The following FERMT2 variants were observed in gnomAD, a reference collection of about 807,000 sequenced individuals.
The protein encoded by FERMT2 is fermitin family homolog 2.
A neutral mutation model predicts 82.7 loss-of-function variants in FERMT2; 15 were observed. That is an observed-to-expected ratio of 0.18 (90% CI 0.12 to 0.28). The LOEUF (loss-of-function observed/expected upper bound fraction) is 0.28, where lower values mean the gene tolerates loss of function less well. Ranked by LOEUF, FERMT2 falls within the 10% of genes least tolerant of loss-of-function variation. The pLI is 1.00. For missense variants in FERMT2, 645 were observed against 809.4 expected (o/e 0.80, Z 2.46); for synonymous variants, 274 against 271.5 (o/e 1.01, Z -0.09).
In FERMT2 at chr14:52,874,191, G is replaced by T; in HGVS notation, c.1134C>A (p.Tyr378Ter). 6.3e-7 allele frequency: 1 copy of T among 1,596,822 alleles called. No individual in the cohort carries two copies. The highest frequency in any genetic ancestry group is 1.1e-5 in the South Asian group (1 of 87,800). Reference sequence around the variant, plus strand: ...TTTGTACTTACTTGAAAACTTTAATGTAGTCAGCAAGTTCAGGAATGGAAG... The same window carrying T: ...TTTGTACTTACTTGAAAACTTTAATTTAGTCAGCAAGTTCAGGAATGGAAG... The part of the protein sequence containing the change: ...DITSIPELAD[Y>*]IKVFKPKKLT... Residue 378 changes from tyrosine to a stop codon, truncating the protein, a stop_gained, in exon 9 of 15, where the codon TAC (tyrosine) becomes TAA (stop). Transcript: ENST00000341590. LOFTEE classifies it high-confidence loss of function.
chr14:52,880,490 C>T (rs967883628), intron 6 of FERMT2, among the ~76,000 whole-genome samples: 3 of 152,158 alleles, frequency 2.0e-5, no homozygotes, highest in African/African-American at 7.2e-5. Flanking sequence ...GCTCCGTCTT[C>T]CAGGTTCAAG....
At chr14:52,890,707 G>A (rs1223459136) in intron 4 of FERMT2, among the ~76,000 whole-genome samples, 2 of 150,680 alleles carry the variant, frequency 1.3e-5, no homozygotes, top group Admixed American at 1.3e-4. Flanking sequence ...AGGTTCAAGC[G>A]ATTCTCCTGC....
chr14:52,897,206 T>C (rs1412346888), intron 3 of FERMT2, among the ~76,000 whole-genome samples: 1 of 152,190 alleles, frequency 6.6e-6, no homozygotes, highest in Non-Finnish European at 1.5e-5. Context: ...AACTGCATAA[T>C]ATTCTATGTA....
At chr14:52,872,100 G>C (rs936233901) in intron 10 of FERMT2, 2 of 152,444 alleles carry the variant, frequency 1.3e-5, no homozygotes, top group Non-Finnish European at 2.9e-5. Context: ...GGGTGAGGAA[G>C]AGCAGGATGT....
intron 10 of FERMT2, among the ~76,000 whole-genome samples, 179 bp from the exon 11 acceptor site, chr14:52,865,032 C>A (rs1345810356): frequency 6.6e-6 from 1 of 152,160 alleles, no homozygotes. Context: ...ATGAAAACAA[C>A]TGTATTCAGG....
In FERMT2 at chr14:52,859,718, T is replaced by G. The variant is rs373085863; in HGVS notation, c.1728-4A>C. 2.2e-5 allele frequency: 35 copies of G among 1,559,674 alleles called. No homozygotes were observed. In the African/African-American group the frequency reaches 4.1e-4, roughly 18 times the overall value. ...TTCTTTTTTGCCCCCTTGGAACCTATAACATTTAAGAAAAGAACGGTTAAA... is the reference window on the plus strand; with the variant it reads ...TTCTTTTTTGCCCCCTTGGAACCTAGAACATTTAAGAAAAGAACGGTTAAA... On this transcript the variant is annotated splice_region_variant and splice_polypyrimidine_tract_variant and intron_variant, in intron 13 of 14. Coordinates refer to ENST00000341590, the MANE Select transcript of FERMT2 (RefSeq NM_006832.3).
chr14:52,881,651 A>G, intron 4 of FERMT2, 182 bp from the exon 5 acceptor site: 1 of 850,642 alleles, frequency 1.2e-6, no homozygotes, highest in Non-Finnish European at 1.8e-6. Flanking sequence ...GTATAACATT[A>G]AAACACGTAA....
At position 52,935,844 on chromosome 14, in the gene FERMT2, G is replaced by A. The variant is rs1595017593; in HGVS notation, c.157+14568C>T. 2.0e-5 allele frequency among the ~76,000 whole-genome samples: 3 copies of A among 152,292 alleles called. No homozygotes were observed. The East Asian group carries it at 5.8e-4, about 29-fold the overall frequency. On this transcript the variant is annotated intron_variant, in intron 2 of 14. Transcript: ENST00000341590. ...AATAGCCTTTTGAAGTTACGAATCTGAGATAATGTCTATCAATTTCAATCT... is the reference window on the plus strand; with the variant it reads ...AATAGCCTTTTGAAGTTACGAATCTAAGATAATGTCTATCAATTTCAATCT...
At chr14:52,939,879 T>C (rs1270433152) in intron 2 of FERMT2, among the ~76,000 whole-genome samples, 4 of 152,204 alleles carry the variant, frequency 2.6e-5, no homozygotes, top group Non-Finnish European at 5.9e-5. Flanking sequence ...TTAAGGAACA[T>C]TAAGCTGGGA....
intron 4 of FERMT2, among the ~76,000 whole-genome samples, chr14:52,888,765 C>T (rs1423394920): frequency 1.3e-5 from 2 of 152,166 alleles, no homozygotes; most frequent in East Asian, 1.9e-4. Flanking sequence ...AAACATTCAG[C>T]GTTATCGCTT....
chr14:52,881,543 T>A, intron 4 of FERMT2, 74 bp from the exon 5 acceptor site: 8 of 1,122,892 alleles, frequency 7.1e-6, no homozygotes, highest in Non-Finnish European at 1.0e-5. Flanking sequence ...ACACATATTA[T>A]GATATAAAGC....
Position 52,893,419 on chromosome 14 carries a change from G to T in FERMT2, c.400C>A (p.His134Asn). ...SDICKTFNIRHPEELSLLKKP... is the reference protein window; with the variant it reads ...SDICKTFNIRNPEELSLLKKP... ...TTTAAGAGAGAAAGTTCTTCGGGGTGTCTGATATCTGTTAATAAAATAGAT... is the reference window on the plus strand; with the variant it reads ...TTTAAGAGAGAAAGTTCTTCGGGGTTTCTGATATCTGTTAATAAAATAGAT... Residue 134 changes from histidine to asparagine, a missense_variant, in exon 4 of 15, where the codon CAC (histidine) becomes AAC (asparagine). By Grantham distance (68) the His-to-Asn change is moderately conservative. Coordinates refer to ENST00000341590, the MANE Select transcript of FERMT2 (RefSeq NM_006832.3). 1 of 1,592,890 alleles carries T rather than the reference G, an allele frequency of 6.3e-7. No homozygotes were observed. The highest frequency in any genetic ancestry group is 8.5e-7 in the Non-Finnish European group (1 of 1,172,032).
At chr14:52,907,257 T>G (rs1258675493) in intron 3 of FERMT2, among the ~76,000 whole-genome samples, 3 of 152,240 alleles carry the variant, frequency 2.0e-5, no homozygotes, top group African/African-American at 7.2e-5. Context: ...AGGTGATCTT[T>G]GGCCTCCCAA....
intron 2 of FERMT2, among the ~76,000 whole-genome samples, chr14:52,944,957 G>A (rs931919354): frequency 6.6e-6 from 1 of 151,682 alleles, no homozygotes; most frequent in African/African-American, 2.4e-5. Context: ...ATGGAGTGCT[G>A]GGGTGTAATC....
At chr14:52,868,657 G>A (rs1003644988) in intron 10 of FERMT2, among the ~76,000 whole-genome samples, 2 of 152,146 alleles carry the variant, frequency 1.3e-5, no homozygotes, top group African/African-American at 2.4e-5. Context: ...CTCAGAAGAA[G>A]ATACTATAGG....
chr14:52,886,611 CTT>C (rs1444302463), intron 4 of FERMT2, among the ~76,000 whole-genome samples: 1 of 152,164 alleles, frequency 6.6e-6, no homozygotes, highest in Non-Finnish European at 1.5e-5. Context: ...GACTTCTCTG[CTT>C]TGACACAAAT....
intron 2 of FERMT2, among the ~76,000 whole-genome samples, chr14:52,923,206 G>GC (rs5808696): frequency 1.3e-5 from 1 of 76,922 alleles, no homozygotes. Context: ...GGTGGGGGTT[G>GC]GGGGGGGAAT....
At chr14:52,950,816 G>T (rs554179071) in intron 1 of FERMT2, 105 bp downstream of exon 1, 2 of 379,242 alleles carry the variant, frequency 5.3e-6, no homozygotes, top group Non-Finnish European at 9.3e-6. Context: ...AGCGGACCGC[G>T]GAGGGCTTCA....
intron 3 of FERMT2, among the ~76,000 whole-genome samples, chr14:52,895,190 C>T (rs1398638288): frequency 3.3e-5 from 5 of 152,134 alleles, no homozygotes; most frequent in Non-Finnish European, 5.9e-5. Flanking sequence ...AAGAGGCCAG[C>T]ATTAAAAAGA....
Sources: gnomAD v4.1 joint callset for allele counts (sites outside exome capture counted in the v4.1 genomes callset) on GRCh38, gnomAD v4.1.1 for gene constraint, MANE v1.5 for transcripts, NCBI Gene and HGNC (gene_info 2026-07-23, HGNC 2026-07-21) for gene names.